Variants in USH2A observed in about 807,000 individuals in gnomAD.
The protein encoded by USH2A is Usher syndrome 2A (autosomal recessive, mild).
A neutral mutation model predicts 538.9 loss-of-function variants in USH2A; 443 were observed. That is an observed-to-expected ratio of 0.82 (90% confidence interval 0.76 to 0.89). The LOEUF is 0.89. USH2A is among the 40% of genes least tolerant of loss of function. The pLI is 0.00. For synonymous variants in USH2A, 2,413 were observed against 2,273.5 expected, an observed-to-expected ratio of 1.06 and a Z score of -1.75; for missense variants, 6,633 against 6,324.8, an observed-to-expected ratio of 1.05 and a Z score of -1.65.
chr1:215,833,178 G>T (rs74596160), intron 47 of USH2A, among the ~76,000 whole-genome samples: 3,007 of 151,946 alleles, frequency 0.02, 100 homozygotes, highest in African/African-American at 0.069. Flanking sequence ...AAAATCACAT[G>T]TTTTGTAGAT....
intron 55 of USH2A, 56 bp downstream of exon 55, chr1:215,779,787 C>T (rs41313726): frequency 1.2e-6 from 2 of 1,601,116 alleles, no homozygotes; most frequent in African/African-American, 2.7e-5. Flanking sequence ...GCTTTGCCCC[C>T]CTAACCACAA....
intron 13 of USH2A, among the ~76,000 whole-genome samples, chr1:216,245,470 T>TGA (rs10535828): frequency 0.073 from 8,288 of 114,008 alleles, 333 homozygotes; most frequent in Middle Eastern, 0.11. Context: ...AGTCCCCTTC[T>TGA]GAGAGAGAGA....
At chr1:215,964,321 C>T (rs546143082) in intron 37 of USH2A, among the ~76,000 whole-genome samples, 2 of 152,138 alleles carry the variant, frequency 1.3e-5, no homozygotes, top group East Asian at 1.9e-4. Flanking sequence ...AAAAGGGACA[C>T]ACCAATCTTT....
At chr1:216,362,634 A>G (rs1183905890) in intron 4 of USH2A, among the ~76,000 whole-genome samples, 7 of 152,122 alleles carry the variant, frequency 4.6e-5, no homozygotes, top group South Asian at 2.1e-4. Context: ...AAATAATTAT[A>G]ATAACATTAA....
At chr1:215,758,486 G>A (rs1660877996) in intron 58 of USH2A, 109 bp downstream of exon 58, 1 of 1,367,312 alleles carries the variant, frequency 7.3e-7, no homozygotes, top group Admixed American at 1.8e-5. Context: ...TTATCCAGGA[G>A]ACCGACTATG....
intron 21 of USH2A, among the ~76,000 whole-genome samples, chr1:216,169,252 G>A (rs1447949965): frequency 6.6e-6 from 1 of 152,080 alleles, no homozygotes; most frequent in Non-Finnish European, 1.5e-5. Context: ...GATGCTTTAA[G>A]TTAACTAAAA....
intron 51 of USH2A, among the ~76,000 whole-genome samples, chr1:215,787,310 C>T (rs993918649): frequency 3.3e-5 from 5 of 152,104 alleles, no homozygotes; most frequent in African/African-American, 7.2e-5. Context: ...TGATACTTTC[C>T]TATGGAATTT....
intron 43 of USH2A, among the ~76,000 whole-genome samples, chr1:215,867,733 C>T (rs967241254): frequency 6.6e-6 from 1 of 152,216 alleles, no homozygotes; most frequent in Admixed American, 6.5e-5. Flanking sequence ...GAGAGTTTTG[C>T]TACAGTGAGC....
chr1:216,174,592 A>C (rs2102640195), intron 21 of USH2A: 1 of 980,062 alleles, frequency 1.0e-6, no homozygotes, highest in Admixed American at 6.2e-5. Flanking sequence ...AATTTACATT[A>C]ACACTGAGTT....
chr1:215,815,273 T>C (rs955997170), intron 48 of USH2A, among the ~76,000 whole-genome samples: 6 of 152,144 alleles, frequency 3.9e-5, no homozygotes, highest in African/African-American at 1.4e-4. Context: ...ATTTGCATTA[T>C]AAGAATAACC....
At chr1:215,984,396 G>A (rs1345971246) in intron 35 of USH2A, among the ~76,000 whole-genome samples, 1 of 152,136 alleles carries the variant, frequency 6.6e-6, no homozygotes, top group Admixed American at 6.6e-5. Flanking sequence ...GTTCTTCAAT[G>A]GATAATCCAC....
At chr1:216,105,361 G>T (rs1571964976) in intron 21 of USH2A, among the ~76,000 whole-genome samples, 1 of 149,830 alleles carries the variant, frequency 6.7e-6, no homozygotes. Flanking sequence ...AAGCTTTATT[G>T]TTTTTTTTTG....
intron 4 of USH2A, among the ~76,000 whole-genome samples, chr1:216,327,946 T>C (rs933211708): frequency 3.3e-5 from 5 of 152,130 alleles, no homozygotes; most frequent in Non-Finnish European, 5.9e-5. Flanking sequence ...CCAAGTCAAA[T>C]TTCTCTCTAG....
intron 30 of USH2A, among the ~76,000 whole-genome samples, chr1:216,056,035 C>G (rs778725478): frequency 6.6e-6 from 1 of 152,294 alleles, no homozygotes; most frequent in Non-Finnish European, 1.5e-5. Context: ...TAATCCCAGT[C>G]TTAGAGGACG....
intron 38 of USH2A, among the ~76,000 whole-genome samples, chr1:215,923,032 C>A (rs1166676861): frequency 6.6e-6 from 1 of 152,070 alleles, no homozygotes; most frequent in African/African-American, 2.4e-5. Flanking sequence ...CAGCTTACTT[C>A]TTGAGGTTTC....
intron 60 of USH2A, among the ~76,000 whole-genome samples, chr1:215,730,418 T>C (rs1659959888): frequency 6.6e-6 from 1 of 152,230 alleles, no homozygotes; most frequent in African/African-American, 2.4e-5. Context: ...GTATTCCAGG[T>C]TGGGAGAGAA....
Position 215,820,675 on chromosome 1 carries a change from A to G in USH2A, c.9372-3480T>C, listed in dbSNP as rs114819176. On this transcript the variant is annotated intron_variant, in intron 47 of 71. Coordinates refer to ENST00000307340, the MANE Select transcript of USH2A (RefSeq NM_206933.4). Reference sequence around the variant, plus strand: ...TCACCTTACTGATCTATCAAATACTAGGTCTTATCTCTTCATTGAAACTGT... The same window carrying G: ...TCACCTTACTGATCTATCAAATACTGGGTCTTATCTCTTCATTGAAACTGT... Among the ~76,000 whole-genome samples, 826 of 151,782 alleles carry G rather than the reference A, an allele frequency of 5.4e-3. 6 individuals are homozygous for G. Among genetic ancestry groups the G allele is most frequent in the African/African-American group, 0.018 (766 of 41,504 alleles).
chr1:215,758,332 G>A (rs2102740784), intron 58 of USH2A, among the ~76,000 whole-genome samples: 1 of 150,998 alleles, frequency 6.6e-6, no homozygotes, highest in South Asian at 2.1e-4. Context: ...TTAGTCTCTT[G>A]TACTTGAAAG....
At chr1:215,767,809 T>C (rs1661174136) in intron 55 of USH2A, among the ~76,000 whole-genome samples, 1 of 152,154 alleles carries the variant, frequency 6.6e-6, no homozygotes, top group African/African-American at 2.4e-5. Flanking sequence ...CAGAAGCAAC[T>C]TTAAAGCTCA....
Sources: allele counts gnomAD v4.1 joint callset (sites outside exome capture counted in the v4.1 genomes callset), GRCh38; gene constraint gnomAD v4.1.1; transcripts MANE v1.5; gene names NCBI Gene and HGNC (gene_info 2026-07-23, HGNC 2026-07-21).